Variants in TMC3 observed in about 807,000 individuals in gnomAD.
TMC3 encodes transmembrane channel like 3, also known as transmembrane channel-like protein 3.
TMC3 carries 98 observed loss-of-function variants against 110.6 expected under a neutral mutation model. That is an observed-to-expected ratio of 0.89 (90% CI 0.75 to 1.05). TMC3 has a LOEUF of 1.05. TMC3 is among the 50% of genes least tolerant of loss of function. The pLI, the probability that TMC3 is intolerant of heterozygous loss-of-function variation, is 0.00. For missense variants in TMC3, 1,319 were observed against 1,373.2 expected, an observed-to-expected ratio of 0.96 and a Z score of 0.62; for synonymous variants, 489 against 513.1, an observed-to-expected ratio of 0.95 and a Z score of 0.63.
intron 3 of TMC3, among the ~76,000 whole-genome samples, chr15:81,366,689 T>C (rs1392220289): frequency 6.6e-6 from 1 of 152,202 alleles, no homozygotes; most frequent in Non-Finnish European, 1.5e-5. Flanking sequence ...TCCATCATAG[T>C]GTGGCAGGAA....
At chr15:81,353,760 T>A (rs896430441) in intron 9 of TMC3, among the ~76,000 whole-genome samples, 2 of 152,246 alleles carry the variant, frequency 1.3e-5, no homozygotes, top group South Asian at 4.1e-4. Flanking sequence ...TGGAATGTGA[T>A]CCTGTCACTA....
intron 3 of TMC3, among the ~76,000 whole-genome samples, chr15:81,366,882 T>A (rs1596097102): frequency 6.6e-6 from 1 of 152,156 alleles, no homozygotes; most frequent in Non-Finnish European, 1.5e-5. Context: ...TATTTTTGTT[T>A]CAGAGAATCT....
intron 10 of TMC3, among the ~76,000 whole-genome samples, chr15:81,350,885 A>G (rs1340615485): frequency 1.3e-5 from 2 of 152,328 alleles, no homozygotes; most frequent in Admixed American, 1.3e-4. Context: ...GAATATTCAC[A>G]CAACGGGGGT....
intron 3 of TMC3, among the ~76,000 whole-genome samples, chr15:81,363,225 T>C (rs1320180629): frequency 6.7e-6 from 1 of 149,436 alleles, no homozygotes; most frequent in Non-Finnish European, 1.5e-5. Context: ...CACTGCAGCC[T>C]GGGGGACAGA....
At chr15:81,336,986 C>A (rs549704846) in intron 19 of TMC3, among the ~76,000 whole-genome samples, 5 of 152,012 alleles carry the variant, frequency 3.3e-5, no homozygotes, top group African/African-American at 1.2e-4. Flanking sequence ...ATGTTTCCAC[C>A]AAAATGGCCT....
chr15:81,352,923 G>A (rs939124389), intron 9 of TMC3, among the ~76,000 whole-genome samples: 2 of 152,076 alleles, frequency 1.3e-5, no homozygotes, highest in African/African-American at 4.8e-5. Flanking sequence ...GGGTTCAAGC[G>A]ATTCTCCTGC....
intron 15 of TMC3, chr15:81,343,038 T>G (rs1893748069): frequency 6.7e-6 from 3 of 450,574 alleles, no homozygotes; most frequent in Non-Finnish European, 1.2e-5. Flanking sequence ...CTGTGCAGAT[T>G]TTTTTCGGCT....
At chr15:81,356,766 G>T (rs541553241) in intron 7 of TMC3, among the ~76,000 whole-genome samples, 172 bp from the exon 8 acceptor site, 1 of 152,298 alleles carries the variant, frequency 6.6e-6, no homozygotes, top group East Asian at 1.9e-4. Context: ...GCCCATGCTT[G>T]TGACCTCAGC....
rs1372298589 is a variant in TMC3 at position 81,358,343 on chromosome 15, A to G, written c.601-52T>C. The stretch of plus-strand genomic sequence containing the variant: ...TCTGCTTCCCGTTCCCAGGTCTCAG[A>G]ACTGTGGCCCATTCACCCCTTCCCT... On this transcript the variant is annotated intron_variant, in intron 6 of 21. Coordinates refer to ENST00000359440, the MANE Select transcript of TMC3 (RefSeq NM_001080532.3). 2.5e-6 allele frequency: 4 copies of G among 1,600,460 alleles called. No individual in the cohort carries two copies. The South Asian group carries it at 3.4e-5, about 13-fold the overall frequency.
In TMC3 at chr15:81,356,482, C is replaced by G. The variant is rs1894064152; in HGVS notation, c.856G>C (p.Glu286Gln). The G allele has an allele frequency of 6.4e-7, 1 of 1,567,990 alleles. No homozygotes were observed. Among genetic ancestry groups the G allele is most frequent in the Non-Finnish European group, 8.7e-7 (1 of 1,155,994 alleles). Reference sequence around the variant, plus strand: ...TTCACTATGGCAGCTGTTTTGCTCTCTGCAGCCTCTGGGTTTCCAATGAGG... The same window carrying G: ...TTCACTATGGCAGCTGTTTTGCTCTGTGCAGCCTCTGGGTTTCCAATGAGG... ...DYLIGNPEAA[E>Q]SKTAAIVNSI... Residue 286 changes from glutamate (E) to glutamine (Q), a missense_variant, in exon 8 of 22, where the codon GAG becomes CAG. Coordinates refer to ENST00000359440, the MANE Select transcript of TMC3 (RefSeq NM_001080532.3).
At chr15:81,364,732 T>TGA (rs753808571) in intron 3 of TMC3, among the ~76,000 whole-genome samples, 16 of 144,804 alleles carry the variant, frequency 1.1e-4, no homozygotes, top group African/African-American at 4.1e-4. Flanking sequence ...AAAACTGTAA[T>TGA]AAAAAAAAAA....
chr15:81,369,760 C>G (rs1894393931), intron 2 of TMC3, among the ~76,000 whole-genome samples: 1 of 151,566 alleles, frequency 6.6e-6, no homozygotes, highest in Non-Finnish European at 1.5e-5. Flanking sequence ...CCCATCTCTA[C>G]AAAAATATTA....
At chr15:81,369,439 T>C (rs1164033189) in intron 2 of TMC3, among the ~76,000 whole-genome samples, 3 of 152,184 alleles carry the variant, frequency 2.0e-5, no homozygotes, top group African/African-American at 4.8e-5. Flanking sequence ...TTCTACCCCA[T>C]ACCATGACTA....
At chr15:81,357,414 C>T (rs1052437317) in intron 7 of TMC3, among the ~76,000 whole-genome samples, 5 of 151,854 alleles carry the variant, frequency 3.3e-5, no homozygotes, top group East Asian at 1.9e-4. Flanking sequence ...GATGAACCAG[C>T]GTGGGTGGGG....
chr15:81,372,624 G>A lies in TMC3; in HGVS notation c.203C>T (p.Pro68Leu), dbSNP rs1293289831. The A allele has an allele frequency of 1.2e-6, 2 of 1,613,664 alleles. No homozygotes were observed. Among genetic ancestry groups the A allele is most frequent in the Non-Finnish European group, 1.7e-6 (2 of 1,179,878 alleles). Residue 68 changes from proline to leucine, a missense_variant, in exon 2 of 22, where the codon CCC (proline) becomes CTC (leucine). Coordinates refer to ENST00000359440, the MANE Select transcript of TMC3 (RefSeq NM_001080532.3). ...CCTCAGCTTCTGTCCCATAGTCCAG[G>A]GTCTGCAGCGAATGTTTGCCATGAG... ...KDLMANIRCR[P>L]WTMGQKLRAL...
chr15:81,358,672 T>C (rs1894120189), intron 5 of TMC3, among the ~76,000 whole-genome samples, 172 bp from the exon 6 acceptor site: 1 of 152,198 alleles, frequency 6.6e-6, no homozygotes, highest in South Asian at 2.1e-4. Flanking sequence ...GGCCAGATTT[T>C]CTTTTTGCCT....
In TMC3 at chr15:81,331,678, G is replaced by GA. The variant is rs1893464165; in HGVS notation, c.*740dup. The GA allele has an allele frequency of 2.8e-5, 4 of 144,052 alleles. No homozygotes were observed. Among genetic ancestry groups the GA allele is most frequent in the African/African-American group, 1.2e-4 (4 of 34,088 alleles). 8.9% of individuals were successfully genotyped at this position (144,052 alleles called of 1,614,324 possible). ...GGGAACGACAGTCTCCCAATAGATA[G>GA]AAAAAACCTGAAACTGGTGATCGGC... On this transcript the variant is annotated 3_prime_UTR_variant, in exon 22 of 22. Coordinates refer to ENST00000359440, the MANE Select transcript of TMC3 (RefSeq NM_001080532.3).
At chr15:81,359,263 CAT>C (rs1894132900) in intron 5 of TMC3, 100 bp downstream of exon 5, 1 of 863,982 alleles carries the variant, frequency 1.2e-6, no homozygotes, top group African/African-American at 1.7e-5. Context: ...TACACAAACA[CAT>C]ATATTTTCAT....
intron 13 of TMC3, among the ~76,000 whole-genome samples, chr15:81,344,370 A>G (rs922320020): frequency 6.6e-6 from 1 of 152,202 alleles, no homozygotes; most frequent in Non-Finnish European, 1.5e-5. Context: ...CCATGGGATA[A>G]TACCTTGGGG....
Sources: allele counts gnomAD v4.1 joint callset (sites outside exome capture counted in the v4.1 genomes callset), GRCh38; gene constraint gnomAD v4.1.1; transcripts MANE v1.5; gene names NCBI Gene and HGNC (gene_info 2026-07-23, HGNC 2026-07-21).